Variants in HMGA2 observed in about 807,000 individuals in gnomAD.
HMGA2 encodes the protein high mobility group AT-hook 2, also known as high mobility group protein HMGI-C.
A neutral mutation model predicts 19.1 loss-of-function variants in HMGA2; 8 were observed. That is an observed-to-expected ratio of 0.42 (90% CI 0.25 to 0.76). The LOEUF is 0.76. Ranked by LOEUF, HMGA2 falls within the 30% of genes least tolerant of loss-of-function variation. The pLI, the probability that HMGA2 is intolerant of heterozygous loss-of-function variation, is 0.28. For synonymous variants in HMGA2, 60 were observed against 48.8 expected (o/e 1.23, Z -0.96); for missense variants, 109 against 136.3 (o/e 0.80, Z 1.00).
chr12:65,963,568 A>T lies in HMGA2; in HGVS notation c.*276A>T. 1 of 478,394 alleles carries T rather than the reference A, an allele frequency of 2.1e-6. No individual in the cohort carries two copies. Among genetic ancestry groups the T allele is most frequent in the Non-Finnish European group, 3.7e-6 (1 of 269,286 alleles). The allele number at this position is 478,394 out of a possible 1,614,324, so 29.6% of individuals were successfully genotyped here. The stretch of plus-strand genomic sequence containing the variant: ...ACACAGCTTAACAATGCAACTTTTA[A>T]TTACTGTTTTCTTTTTTCTTAACCT... On this transcript the variant is annotated 3_prime_UTR_variant, in exon 5 of 5. Transcript: ENST00000403681.
At position 65,933,150 on chromosome 12, in the gene HMGA2, G is replaced by A. The variant is rs189756874; in HGVS notation, c.250-18233G>A. Among the ~76,000 whole-genome samples, 712 of 152,060 alleles carry A rather than the reference G, an allele frequency of 4.7e-3. 2 individuals are homozygous for A. The highest frequency in any genetic ancestry group is 6.8e-3 in the Middle Eastern group (2 of 294). ...TTTATCATGATTACACTCCTATCTAGTATAATTTGAAGATAAAGTAGGGCC... is the reference window on the plus strand; with the variant it reads ...TTTATCATGATTACACTCCTATCTAATATAATTTGAAGATAAAGTAGGGCC... On this transcript the variant is annotated intron_variant, in intron 3 of 4. Transcript: ENST00000403681.
intron 3 of HMGA2, among the ~76,000 whole-genome samples, chr12:65,899,990 G>A (rs924586439): frequency 2.0e-5 from 3 of 152,256 alleles, no homozygotes; most frequent in East Asian, 1.9e-4. Context: ...GAAACCTTTC[G>A]TCTCAATCAT....
intron 3 of HMGA2, among the ~76,000 whole-genome samples, chr12:65,906,337 C>T (rs908909446): frequency 1.3e-5 from 2 of 152,080 alleles, no homozygotes; most frequent in Non-Finnish European, 2.9e-5. Context: ...GGGTCAGTGC[C>T]TCCGATGATA....
chr12:65,873,339 C>T (rs920515582), intron 3 of HMGA2, among the ~76,000 whole-genome samples: 40 of 152,182 alleles, frequency 2.6e-4, no homozygotes, highest in African/African-American at 8.4e-4. Context: ...ATAAATAATG[C>T]TTTCAGCACC....
intron 3 of HMGA2, among the ~76,000 whole-genome samples, chr12:65,937,230 TAGAGCCAGGGACTTGAATAC>T (rs1875928566): frequency 6.6e-6 from 1 of 152,210 alleles, no homozygotes; most frequent in Non-Finnish European, 1.5e-5. Context: ...GTGTATTATC[TAGAGCCAGGGACTTGAATAC>T]CACTGCATCT....
intron 2 of HMGA2, among the ~76,000 whole-genome samples, chr12:65,836,031 T>A (rs1238236114): frequency 1.3e-5 from 2 of 152,140 alleles, no homozygotes; most frequent in African/African-American, 2.4e-5. Flanking sequence ...AGCCTCATTC[T>A]AAAGGTGACA....
chr12:65,939,253 T>C (rs1876002119), intron 3 of HMGA2, among the ~76,000 whole-genome samples: 1 of 152,216 alleles, frequency 6.6e-6, no homozygotes, highest in South Asian at 2.1e-4. Context: ...GCTTCTCTGA[T>C]ACTGGAGCAT....
intron 3 of HMGA2, among the ~76,000 whole-genome samples, chr12:65,852,516 A>T (rs919090374): frequency 2.0e-5 from 3 of 152,096 alleles, no homozygotes; most frequent in Non-Finnish European, 4.4e-5. Flanking sequence ...AAATAATAAT[A>T]ATAATAATTA....
At chr12:65,915,328 C>T in intron 3 of HMGA2, 1 of 1,395,056 alleles carries the variant, frequency 7.2e-7, no homozygotes, top group Non-Finnish European at 9.3e-7. Flanking sequence ...AGTTTCACTG[C>T]TACCCCATAT....
At chr12:65,842,516 T>A in intron 3 of HMGA2, 1 of 1,130,258 alleles carries the variant, frequency 8.8e-7, no homozygotes, top group Non-Finnish European at 1.3e-6. Context: ...AATATATTTA[T>A]GCTGAATATT....
chr12:65,844,521 A>T (rs1871153403), intron 3 of HMGA2, among the ~76,000 whole-genome samples: 1 of 152,206 alleles, frequency 6.6e-6, no homozygotes, highest in African/African-American at 2.4e-5. Flanking sequence ...AAATATGAAA[A>T]CACTAATAAG....
At chr12:65,873,876 A>T (rs866077965) in intron 3 of HMGA2, 3 of 152,344 alleles carry the variant, frequency 2.0e-5, no homozygotes, top group Middle Eastern at 3.4e-3. Flanking sequence ...GAGGTTTAAC[A>T]TATGGTCGCT....
At chr12:65,933,565 G>A (rs993736121) in intron 3 of HMGA2, among the ~76,000 whole-genome samples, 1 of 152,134 alleles carries the variant, frequency 6.6e-6, no homozygotes, top group African/African-American at 2.4e-5. Context: ...AGTGAATGAG[G>A]TAATTAATGC....
At chr12:65,924,104 A>G (rs1875420915) in intron 3 of HMGA2, among the ~76,000 whole-genome samples, 1 of 152,166 alleles carries the variant, frequency 6.6e-6, no homozygotes, top group South Asian at 2.1e-4. Context: ...ATACTATTTA[A>G]TAGTGACTTA....
At chr12:65,888,720 C>A (rs968343095) in intron 3 of HMGA2, among the ~76,000 whole-genome samples, 20 of 151,176 alleles carry the variant, frequency 1.3e-4, no homozygotes, top group South Asian at 2.1e-4. Context: ...CCCGCCACCA[C>A]GCCCGGCTAA....
intron 4 of HMGA2, among the ~76,000 whole-genome samples, chr12:65,959,888 C>CT (rs1012462014): frequency 5.9e-5 from 9 of 151,270 alleles, no homozygotes; most frequent in African/African-American, 1.7e-4. Flanking sequence ...GTCTTTTTTT[C>CT]TTTTTTTTTC....
intron 3 of HMGA2, among the ~76,000 whole-genome samples, chr12:65,906,026 G>C (rs986078009): frequency 6.6e-6 from 1 of 152,080 alleles, no homozygotes; most frequent in Non-Finnish European, 1.5e-5. Context: ...TTAAAACAGC[G>C]AACAAGCTGC....
intron 3 of HMGA2, among the ~76,000 whole-genome samples, chr12:65,868,269 C>G (rs945982932): frequency 6.6e-6 from 1 of 152,102 alleles, no homozygotes; most frequent in African/African-American, 2.4e-5. Flanking sequence ...AGATAAGTGC[C>G]TGATCTTGCA....
At chr12:65,907,166 GC>G (rs1874629316) in intron 3 of HMGA2, among the ~76,000 whole-genome samples, 1 of 152,122 alleles carries the variant, frequency 6.6e-6, no homozygotes, top group African/African-American at 2.4e-5. Context: ...GGAGGCCGAG[GC>G]AGGCGGATCA....
Sources: allele counts gnomAD v4.1 joint callset (sites outside exome capture counted in the v4.1 genomes callset), GRCh38; gene constraint gnomAD v4.1.1; transcripts MANE v1.5; gene names NCBI Gene and HGNC (gene_info 2026-07-23, HGNC 2026-07-21).